Variants in RFX4 observed in about 807,000 individuals in gnomAD.
RFX4 encodes the protein transcription factor RFX4.
Under a neutral mutation model 95.0 loss-of-function variants are expected in RFX4, and 10 were observed. That is an observed-to-expected ratio of 0.11 (90% confidence interval 0.06 to 0.18). The LOEUF (loss-of-function observed/expected upper bound fraction) is 0.18, where lower values mean the gene tolerates loss of function less well. RFX4 is among the 10% of genes least tolerant of loss of function. The probability of loss-of-function intolerance (pLI) is 1.00; values close to 1 mark genes in which losing one functional copy is unlikely to be tolerated. For synonymous variants in RFX4, 321 were observed against 340.7 expected, an observed-to-expected ratio of 0.94 and a Z score of 0.64; for missense variants, 640 against 922.0, an observed-to-expected ratio of 0.69 and a Z score of 3.96.
chr12:106,584,275 C>G (rs1478850581), intron 1 of RFX4, among the ~76,000 whole-genome samples: 1 of 152,168 alleles, frequency 6.6e-6, no homozygotes, highest in Non-Finnish European at 1.5e-5. Flanking sequence ...GATCTGTTAA[C>G]GCTCCCTAAG....
intron 8 of RFX4, among the ~76,000 whole-genome samples, chr12:106,702,874 G>A (rs1180618729): frequency 6.6e-6 from 1 of 152,140 alleles, no homozygotes; most frequent in Non-Finnish European, 1.5e-5. Context: ...AGCAACAGCT[G>A]TTCCCTTCCT....
At chr12:106,649,037 A>G (rs531927622) in intron 3 of RFX4, among the ~76,000 whole-genome samples, 45 of 152,248 alleles carry the variant, frequency 3.0e-4, no homozygotes, top group African/African-American at 1.0e-3. Context: ...GCTCAATTCA[A>G]ATATAATCAA....
At chr12:106,696,079 G>T (rs116648373) in intron 7 of RFX4, among the ~76,000 whole-genome samples, 1,713 of 152,352 alleles carry the variant, frequency 0.011, 16 homozygotes, top group Middle Eastern at 0.048. Flanking sequence ...CAGTGTGCAT[G>T]TTGCATGCCT....
intron 3 of RFX4, chr12:106,645,796 C>A: frequency 1.4e-6 from 1 of 729,528 alleles, no homozygotes. Context: ...CAGAACATTG[C>A]TTTCATAATG....
chr12:106,639,323 C>CT lies in RFX4; in HGVS notation c.131-6dup, dbSNP rs1486825731. 14 of 1,611,892 alleles carry CT rather than the reference C, an allele frequency of 8.7e-6. No individual in the cohort carries two copies. The highest frequency in any genetic ancestry group is 6.7e-5 in the African/African-American group (5 of 74,772). On this transcript the variant is annotated splice_polypyrimidine_tract_variant and intron_variant, in intron 2 of 17. Coordinates refer to ENST00000392842, the MANE Select transcript of RFX4 (RefSeq NM_213594.3). ...ACTGAAGTTAGCTTCTTTTTCTTTC[C>CT]TTTAACAGATGAGGAAAAAGAAAAT...
At chr12:106,732,351 G>C in intron 14 of RFX4, 102 bp downstream of exon 14, 1 of 1,486,354 alleles carries the variant, frequency 6.7e-7, no homozygotes, top group Non-Finnish European at 9.1e-7. Flanking sequence ...AAAGAATTTA[G>C]TTATGGTGAA....
intron 2 of RFX4, among the ~76,000 whole-genome samples, chr12:106,623,916 C>T (rs994872732): frequency 6.6e-6 from 1 of 152,232 alleles, no homozygotes; most frequent in Non-Finnish European, 1.5e-5. Context: ...TATTCAACAA[C>T]TCAGCATCCT....
intron 2 of RFX4, among the ~76,000 whole-genome samples, chr12:106,624,161 G>T (rs552720267): frequency 3.3e-4 from 50 of 152,240 alleles, no homozygotes; most frequent in African/African-American, 1.1e-3. Flanking sequence ...CTTATTTTAC[G>T]TTGGTTTTGT....
At chr12:106,679,856 C>G (rs2041470337) in intron 4 of RFX4, among the ~76,000 whole-genome samples, 1 of 152,210 alleles carries the variant, frequency 6.6e-6, no homozygotes, top group Non-Finnish European at 1.5e-5. Flanking sequence ...GATGAGGCCA[C>G]TAAACCTGGA....
At chr12:106,656,835 A>G (rs570617276) in intron 4 of RFX4, among the ~76,000 whole-genome samples, 6 of 152,276 alleles carry the variant, frequency 3.9e-5, no homozygotes, top group East Asian at 1.9e-4. Flanking sequence ...TGAACAATAC[A>G]TTTCCTCCCT....
intron 3 of RFX4, among the ~76,000 whole-genome samples, chr12:106,643,026 G>T (rs1369244061): frequency 6.6e-6 from 1 of 152,204 alleles, no homozygotes; most frequent in African/African-American, 2.4e-5. Context: ...CAATCCTACA[G>T]GGAGTTCTGA....
intron 15 of RFX4, among the ~76,000 whole-genome samples, chr12:106,738,327 G>C (rs1429491218): frequency 6.6e-6 from 1 of 152,182 alleles, no homozygotes; most frequent in Non-Finnish European, 1.5e-5. Context: ...TTCAAATAAG[G>C]AGACAGACTC....
chr12:106,756,947 G>A (rs574861186), intron 17 of RFX4, among the ~76,000 whole-genome samples: 14 of 152,286 alleles, frequency 9.2e-5, no homozygotes, highest in Admixed American at 6.5e-4. Flanking sequence ...GGCCCTCAGT[G>A]AGTGCTCAGT....
intron 5 of RFX4, chr12:106,683,489 A>C (rs944751155): frequency 3.1e-4 from 46 of 148,210 alleles, no homozygotes; most frequent in South Asian, 8.8e-4. Context: ...AAAAAAAAAA[A>C]AAAAAAACAA....
rs573356986 is a variant in RFX4 at position 106,646,664 on chromosome 12, G to C, written c.191+7272G>C. ...TTGCCCCACATCAGCCAAACCTACA[G>C]GTTCAGCAATCACCCGTGGGATGCC... is the stretch of plus-strand genomic sequence containing the variant. On this transcript the variant is annotated intron_variant, in intron 3 of 17. Transcript: ENST00000392842. Among the ~76,000 whole-genome samples, 8 of 152,278 alleles carry C rather than the reference G, an allele frequency of 5.3e-5. No individual in the cohort carries two copies. The East Asian group carries it at 1.5e-3, about 29-fold the overall frequency.
intron 17 of RFX4, among the ~76,000 whole-genome samples, chr12:106,751,435 C>A (rs1398478846): frequency 2.6e-5 from 4 of 151,536 alleles, no homozygotes; most frequent in Non-Finnish European, 5.9e-5. Flanking sequence ...GATTTATAGT[C>A]CTTTGGGTGT....
At position 106,749,669 on chromosome 12, in the gene RFX4, A is replaced by T. The variant is rs190668243; in HGVS notation, c.1797-986A>T. On this transcript the variant is annotated intron_variant, in intron 16 of 17. Transcript: ENST00000392842. ...ATATTTTACTAAGAAGAACAGTGATAATAATAGGCTATGTCTACACAGGAC... is the reference window on the plus strand; with the variant it reads ...ATATTTTACTAAGAAGAACAGTGATTATAATAGGCTATGTCTACACAGGAC... Among the ~76,000 whole-genome samples the T allele has an allele frequency of 4.6e-5, 7 of 152,306 alleles. No individual in the cohort carries two copies. The East Asian group carries it at 1.4e-3, about 29-fold the overall frequency.
At chr12:106,701,322 T>G (rs1179823773) in intron 8 of RFX4, among the ~76,000 whole-genome samples, 1 of 152,202 alleles carries the variant, frequency 6.6e-6, no homozygotes, top group Non-Finnish European at 1.5e-5. Context: ...CTATCTTTGG[T>G]TTTCAGCTGT....
At chr12:106,686,748 C>T (rs565599711) in intron 5 of RFX4, 136 bp from the exon 6 acceptor site, 12 of 716,860 alleles carry the variant, frequency 1.7e-5, no homozygotes, top group African/African-American at 1.6e-4. Flanking sequence ...CTCTTCTATC[C>T]CCAGGTAGGA....
Sources: allele counts gnomAD v4.1 joint callset (sites outside exome capture counted in the v4.1 genomes callset), GRCh38; gene constraint gnomAD v4.1.1; transcripts MANE v1.5; gene names NCBI Gene and HGNC (gene_info 2026-07-23, HGNC 2026-07-21).